The following SNTB2 variants were observed in gnomAD, a reference collection of about 807,000 sequenced individuals.
SNTB2 encodes syntrophin beta 2, also known as beta-2-syntrophin.
In SNTB2, 34 loss-of-function variants were observed where a neutral mutation model predicts 46.2. The ratio of observed to expected loss-of-function variants is 0.74; its 90% CI spans 0.56 to 0.98. The LOEUF is 0.98. Ranked by LOEUF, SNTB2 falls within the 50% of genes least tolerant of loss-of-function variation. The probability of loss-of-function intolerance (pLI) is 0.00; values close to 1 mark genes in which losing one functional copy is unlikely to be tolerated. For missense variants in SNTB2, 603 were observed against 731.4 expected (o/e 0.82, Z 2.02); for synonymous variants, 290 against 312.6 (o/e 0.93, Z 0.76).
chr16:69,207,046 C>T (rs1302008413), intron 1 of SNTB2, among the ~76,000 whole-genome samples: 2 of 152,078 alleles, frequency 1.3e-5, no homozygotes, highest in African/African-American at 2.4e-5. Context: ...GGATTACAGG[C>T]ATGAGCCACA....
intron 5 of SNTB2, among the ~76,000 whole-genome samples, chr16:69,286,601 C>T (rs1297017870): frequency 1.3e-5 from 2 of 152,066 alleles, no homozygotes; most frequent in Non-Finnish European, 2.9e-5. Context: ...AGGAGGATCA[C>T]CTGAGCCCAG....
At chr16:69,232,987 A>C (rs867018509) in intron 1 of SNTB2, among the ~76,000 whole-genome samples, 1 of 152,204 alleles carries the variant, frequency 6.6e-6, no homozygotes, top group Non-Finnish European at 1.5e-5. Context: ...TATTTCTCCT[A>C]CTTTTATTGA....
intron 4 of SNTB2, among the ~76,000 whole-genome samples, chr16:69,271,219 T>G (rs576464661): frequency 6.6e-6 from 1 of 152,306 alleles, no homozygotes; most frequent in African/African-American, 2.4e-5. Context: ...TCCAGTAGTA[T>G]CTCCGTAATT....
chr16:69,280,998 C>T (rs1374342211), intron 4 of SNTB2, among the ~76,000 whole-genome samples: 4 of 152,134 alleles, frequency 2.6e-5, no homozygotes, highest in South Asian at 4.2e-4. Context: ...AGGGTTTCAC[C>T]GTGTTAGCCA....
chr16:69,189,044 C>T (rs1964023492), intron 1 of SNTB2, among the ~76,000 whole-genome samples: 1 of 152,178 alleles, frequency 6.6e-6, no homozygotes, highest in Non-Finnish European at 1.5e-5. Flanking sequence ...ATCGTCAAAC[C>T]GAGAGGCCAG....
At chr16:69,200,042 G>A (rs1043189347) in intron 1 of SNTB2, among the ~76,000 whole-genome samples, 1 of 152,018 alleles carries the variant, frequency 6.6e-6, no homozygotes, top group Non-Finnish European at 1.5e-5. Flanking sequence ...AGCCTCTTGA[G>A]TAGCTAGGAC....
intron 1 of SNTB2, among the ~76,000 whole-genome samples, chr16:69,216,523 TAAAAA>T (rs113736779): frequency 7.1e-6 from 1 of 140,098 alleles, no homozygotes; most frequent in African/African-American, 2.6e-5. Flanking sequence ...CCTCTACAAT[TAAAAA>T]AAAAAAAAAA....
At chr16:69,219,050 G>T (rs1377756871) in intron 1 of SNTB2, among the ~76,000 whole-genome samples, 1 of 152,202 alleles carries the variant, frequency 6.6e-6, no homozygotes, top group Admixed American at 6.5e-5. Context: ...CATTGGAGAA[G>T]TGAGTATTTA....
intron 4 of SNTB2, among the ~76,000 whole-genome samples, chr16:69,270,683 C>G (rs1964929128): frequency 6.6e-6 from 1 of 152,076 alleles, no homozygotes; most frequent in African/African-American, 2.4e-5. Flanking sequence ...TGTGGATAAA[C>G]CACTTAACTC....
chr16:69,279,304 A>G (rs367590150), intron 4 of SNTB2, among the ~76,000 whole-genome samples: 1 of 152,206 alleles, frequency 6.6e-6, no homozygotes, highest in South Asian at 2.1e-4. Flanking sequence ...GTGGTAGATT[A>G]TGACAGTATT....
intron 1 of SNTB2, among the ~76,000 whole-genome samples, chr16:69,237,259 T>TA (rs1964567654): frequency 6.6e-6 from 1 of 151,918 alleles, no homozygotes; most frequent in African/African-American, 2.4e-5. Context: ...AAAAGGCACT[T>TA]AAAAAATAAA....
chr16:69,293,685 A>C (rs1037941663), intron 5 of SNTB2, among the ~76,000 whole-genome samples: 3 of 152,326 alleles, frequency 2.0e-5, no homozygotes. Context: ...AGGCTTGAGC[A>C]TTTAAAAAAG....
At chr16:69,226,534 T>C (rs1054218954) in intron 1 of SNTB2, among the ~76,000 whole-genome samples, 1 of 152,206 alleles carries the variant, frequency 6.6e-6, no homozygotes, top group African/African-American at 2.4e-5. Context: ...ACTTCATTTA[T>C]CTTTCTTGCT....
chr16:69,301,141 A>C lies in SNTB2; in HGVS notation c.*217A>C. The C allele has an allele frequency of 2.3e-6, 1 of 430,438 alleles. No homozygotes were observed. The highest frequency in any genetic ancestry group is 3.2e-5 in the East Asian group (1 of 30,828). 26.7% of individuals were successfully genotyped at this position (430,438 alleles called of 1,614,324 possible). Reference sequence around the variant, plus strand: ...TAGCACTCTAAAAGGCTCCAAAATGAAGCTGTTGATTTATTCTCATTTCAA... The same window carrying C: ...TAGCACTCTAAAAGGCTCCAAAATGCAGCTGTTGATTTATTCTCATTTCAA... On this transcript the variant is annotated 3_prime_UTR_variant, in exon 7 of 7. Transcript: ENST00000336278.
chr16:69,298,662 C>T (rs538543788), intron 5 of SNTB2, among the ~76,000 whole-genome samples: 162 of 152,096 alleles, frequency 1.1e-3, no homozygotes, highest in Non-Finnish European at 1.6e-3. Context: ...GCTGGGATTA[C>T]AGGCATGTGC....
At chr16:69,292,598 T>G (rs1056924881) in intron 5 of SNTB2, among the ~76,000 whole-genome samples, 2 of 136,164 alleles carry the variant, frequency 1.5e-5, no homozygotes, top group African/African-American at 2.6e-5. Context: ...CCCACCACCA[T>G]GCCCAGCTAA....
chr16:69,198,769 C>T (rs1209338352), intron 1 of SNTB2, among the ~76,000 whole-genome samples: 1 of 152,056 alleles, frequency 6.6e-6, no homozygotes, highest in African/African-American at 2.4e-5. Flanking sequence ...ATGTTTCTTA[C>T]CTATTAAAAA....
chr16:69,257,862 A>G (rs753044933), intron 2 of SNTB2, among the ~76,000 whole-genome samples: 1 of 152,252 alleles, frequency 6.6e-6, no homozygotes, highest in Non-Finnish European at 1.5e-5. Context: ...GGAAGTAGCT[A>G]GATGATCTAC....
At chr16:69,269,768 T>G (rs1311249556) in intron 3 of SNTB2, among the ~76,000 whole-genome samples, 1 of 152,132 alleles carries the variant, frequency 6.6e-6, no homozygotes, top group Non-Finnish European at 1.5e-5. Flanking sequence ...AACATATTAC[T>G]ATATATTTAA....
Sources: gnomAD v4.1 joint callset for allele counts (sites outside exome capture counted in the v4.1 genomes callset) on GRCh38, gnomAD v4.1.1 for gene constraint, MANE v1.5 for transcripts, NCBI Gene and HGNC (gene_info 2026-07-23, HGNC 2026-07-21) for gene names.